The following ANO2 variants were observed in gnomAD, a reference collection of about 807,000 sequenced individuals.
ANO2 encodes anoctamin-2.
In ANO2, 101 loss-of-function variants were observed where a neutral mutation model predicts 124.2. That is an observed-to-expected ratio of 0.81 (90% CI 0.69 to 0.96). The LOEUF (loss-of-function observed/expected upper bound fraction) is 0.96, where lower values mean the gene tolerates loss of function less well. Among genes scored for constraint, ANO2 ranks in the 40% least tolerant of loss-of-function variants. The probability of loss-of-function intolerance (pLI) is 0.00; values close to 1 mark genes in which losing one functional copy is unlikely to be tolerated. For missense variants in ANO2, 1,293 were observed against 1,274.5 expected (o/e 1.01, Z -0.22); for synonymous variants, 486 against 482.5 (o/e 1.01, Z -0.09).
At chr12:5,743,472 C>CGTGTGTGTGT (rs112084814) in intron 12 of ANO2, among the ~76,000 whole-genome samples, 19 of 149,568 alleles carry the variant, frequency 1.3e-4, no homozygotes, top group African/African-American at 4.4e-4. Context: ...TGAGAATAGG[C>CGTGTGTGTGT]GTGTGTGTGT....
At chr12:5,913,232 G>C (rs1016359728) in intron 3 of ANO2, among the ~76,000 whole-genome samples, 1 of 152,190 alleles carries the variant, frequency 6.6e-6, no homozygotes, top group Non-Finnish European at 1.5e-5. Flanking sequence ...AGCCAGACTT[G>C]AGAATTATAA....
At chr12:5,782,295 T>C (rs1388453373) in intron 10 of ANO2, among the ~76,000 whole-genome samples, 2 of 152,324 alleles carry the variant, frequency 1.3e-5, no homozygotes, top group South Asian at 2.1e-4. Context: ...GTAGAGCTTT[T>C]TTCAACCTTT....
At chr12:5,923,073 TGCACACATACAC>T (rs1941807671) in intron 1 of ANO2, among the ~76,000 whole-genome samples, 1 of 31,004 alleles carries the variant, frequency 3.2e-5, no homozygotes, top group Non-Finnish European at 7.8e-5. Flanking sequence ...CACACACACA[TGCACACATACAC>T]ACACACACGC....
chr12:5,912,919 A>G (rs569410354), intron 3 of ANO2, among the ~76,000 whole-genome samples: 1 of 152,340 alleles, frequency 6.6e-6, no homozygotes, highest in South Asian at 2.1e-4. Context: ...CGAGGGCATC[A>G]TTAAAACCCA....
rs1444662920 is a variant in ANO2 at position 5,862,206 on chromosome 12, A to G, written c.535-8065T>C. ...ATGAGAGTACTGGAATCTCCTCTCCAACCCTGTCCTGCATAGGCCAAGGTG... is the reference window on the plus strand; with the variant it reads ...ATGAGAGTACTGGAATCTCCTCTCCGACCCTGTCCTGCATAGGCCAAGGTG... On this transcript the variant is annotated intron_variant, in intron 3 of 24. Transcript: ENST00000682330. The surrounding 1 kb of genome is among the most constrained non-coding windows in gnomAD (Gnocchi z 4.0). Among the ~76,000 whole-genome samples, 1 of 152,150 alleles carries G rather than the reference A, an allele frequency of 6.6e-6. No homozygotes were observed. The highest frequency in any genetic ancestry group is 1.5e-5 in the Non-Finnish European group (1 of 68,020).
At chr12:5,673,786 A>C (rs959513740) in intron 14 of ANO2, among the ~76,000 whole-genome samples, 4 of 152,208 alleles carry the variant, frequency 2.6e-5, no homozygotes, top group African/African-American at 9.6e-5. Flanking sequence ...GAGAAGCAGA[A>C]ACAACAGCTT....
intron 14 of ANO2, among the ~76,000 whole-genome samples, chr12:5,671,272 C>T (rs551570151): frequency 1.1e-3 from 162 of 152,230 alleles, no homozygotes; most frequent in Non-Finnish European, 1.1e-3. Context: ...CCCCAAAGCA[C>T]TGGGCAGGCA....
chr12:5,785,069 C>T (rs1353479708), intron 10 of ANO2, among the ~76,000 whole-genome samples: 1 of 152,186 alleles, frequency 6.6e-6, no homozygotes, highest in Non-Finnish European at 1.5e-5. Context: ...CCAGCTCCAC[C>T]CCTACCCTGG....
intron 14 of ANO2, among the ~76,000 whole-genome samples, chr12:5,668,006 A>G (rs1947816282): frequency 6.6e-6 from 1 of 152,246 alleles, no homozygotes; most frequent in Non-Finnish European, 1.5e-5. Flanking sequence ...TAGTGCTACA[A>G]TGAACATACA....
intron 3 of ANO2, among the ~76,000 whole-genome samples, chr12:5,896,088 C>T (rs1293325538): frequency 1.3e-5 from 2 of 151,976 alleles, no homozygotes; most frequent in African/African-American, 4.8e-5. Context: ...GCTATGAGGA[C>T]ACAAAGACAT....
intron 10 of ANO2, among the ~76,000 whole-genome samples, chr12:5,772,300 G>C (rs1448827831): frequency 1.3e-5 from 2 of 152,190 alleles, no homozygotes; most frequent in Non-Finnish European, 2.9e-5. Context: ...AGGGAAGGGA[G>C]TTATTACATC....
At chr12:5,801,885 C>T (rs772381474) in intron 9 of ANO2, among the ~76,000 whole-genome samples, 3 of 152,214 alleles carry the variant, frequency 2.0e-5, no homozygotes, top group South Asian at 4.1e-4. Context: ...TTTACTCCCT[C>T]CCCTGAGTGC....
intron 13 of ANO2, among the ~76,000 whole-genome samples, chr12:5,737,935 T>A (rs182459722): frequency 2.6e-5 from 4 of 152,210 alleles, no homozygotes. Flanking sequence ...GAGTTCATGA[T>A]AGTATTAGCC....
intron 1 of ANO2, among the ~76,000 whole-genome samples, chr12:5,937,475 C>T (rs73259014): frequency 0.097 from 14,831 of 152,140 alleles, 1,159 homozygotes; most frequent in African/African-American, 0.21. Context: ...TTATCTGATA[C>T]ACAGTTGCCA....
intron 9 of ANO2, among the ~76,000 whole-genome samples, chr12:5,803,517 C>T (rs936228955): frequency 2.0e-5 from 3 of 152,110 alleles, no homozygotes; most frequent in African/African-American, 7.2e-5. Flanking sequence ...TGGGTTCTCC[C>T]CTGTAAGTGG....
At chr12:5,766,610 G>T (rs1456846268) in intron 10 of ANO2, among the ~76,000 whole-genome samples, 1 of 152,184 alleles carries the variant, frequency 6.6e-6, no homozygotes, top group Non-Finnish European at 1.5e-5. Flanking sequence ...CTTCATCTGG[G>T]TATTGGTTGC....
At chr12:5,803,675 C>G (rs1298451824) in intron 9 of ANO2, among the ~76,000 whole-genome samples, 1 of 152,172 alleles carries the variant, frequency 6.6e-6, no homozygotes, top group African/African-American at 2.4e-5. Flanking sequence ...CCATCTACCC[C>G]CACGCTGCTC....
intron 10 of ANO2, among the ~76,000 whole-genome samples, chr12:5,754,069 A>G (rs1342327881): frequency 6.6e-6 from 1 of 152,194 alleles, no homozygotes; most frequent in East Asian, 1.9e-4. Flanking sequence ...TAATTCATTG[A>G]CAGTCATGTT....
intron 4 of ANO2, among the ~76,000 whole-genome samples, chr12:5,839,891 C>A (rs1244366307): frequency 6.6e-6 from 1 of 152,088 alleles, no homozygotes; most frequent in African/African-American, 2.4e-5. Context: ...CCTTCTGGAG[C>A]CCTTTACTTC....
Sources: gnomAD v4.1 joint callset for allele counts (sites outside exome capture counted in the v4.1 genomes callset) on GRCh38, gnomAD v4.1.1 for gene constraint, Gnocchi (gnomAD v3.1) non-coding constraint, MANE v1.5 for transcripts, NCBI Gene and HGNC (gene_info 2026-07-23, HGNC 2026-07-21) for gene names.